KCNQ2: variants seen among roughly 807,000 people sequenced by gnomAD.
The protein encoded by KCNQ2 is potassium voltage-gated channel subfamily KQT member 2.
A neutral mutation model predicts 84.8 loss-of-function variants in KCNQ2; 14 were observed. That is an observed-to-expected ratio of 0.17 (90% CI 0.11 to 0.26). The LOEUF (loss-of-function observed/expected upper bound fraction) is 0.26, where lower values mean the gene tolerates loss of function less well. Ranked by LOEUF, KCNQ2 falls within the 10% of genes least tolerant of loss-of-function variation. KCNQ2 has a pLI of 1.00. For synonymous variants in KCNQ2, 599 were observed against 554.1 expected (o/e 1.08, Z -1.14); for missense variants, 788 against 1,254.0 (o/e 0.63, Z 5.61).
Position 63,421,480 on chromosome 20 carries a change from G to A in KCNQ2, c.1248-1808C>T, listed in dbSNP as rs534511604. On this transcript the variant is annotated intron_variant, in intron 11 of 16. Transcript: ENST00000359125. Reference sequence around the variant, plus strand: ...GCAGCTGCACCTCCCCCTGGGGTCCGCAGCTGGCACTGGGCTTCCTTCCTG... The same window carrying A: ...GCAGCTGCACCTCCCCCTGGGGTCCACAGCTGGCACTGGGCTTCCTTCCTG... Among the ~76,000 whole-genome samples the A allele has an allele frequency of 3.9e-5, 6 of 152,174 alleles. No homozygotes were observed. In the East Asian group the frequency reaches 5.8e-4, roughly 15 times the overall value.
At chr20:63,416,560 G>A (rs529699284) in intron 12 of KCNQ2, among the ~76,000 whole-genome samples, 1 of 152,296 alleles carries the variant, frequency 6.6e-6, no homozygotes, top group East Asian at 1.9e-4. Flanking sequence ...TTCTGGGCAG[G>A]GCCCAGAGCA....
intron 11 of KCNQ2, among the ~76,000 whole-genome samples, chr20:63,420,282 G>A (rs918689371): frequency 6.6e-6 from 1 of 152,238 alleles, no homozygotes; most frequent in African/African-American, 2.4e-5. Flanking sequence ...AAGCCCTTCA[G>A]GAGCGCAGCT....
At chr20:63,421,921 C>A (rs2080482946) in intron 11 of KCNQ2, among the ~76,000 whole-genome samples, 1 of 152,190 alleles carries the variant, frequency 6.6e-6, no homozygotes, top group African/African-American at 2.4e-5. Context: ...AGCACAGCCC[C>A]AGTGGTCCCT....
chr20:63,416,942 TGAGA>T (rs909860347), intron 12 of KCNQ2, among the ~76,000 whole-genome samples: 6 of 151,900 alleles, frequency 3.9e-5, no homozygotes, highest in Non-Finnish European at 8.8e-5. Flanking sequence ...CAGGCGTCTC[TGAGA>T]GAAAGAAAGA....
chr20:63,471,964 C>G lies in KCNQ2; in HGVS notation c.296+204G>C, dbSNP rs375324793. Among the ~76,000 whole-genome samples, 178 of 152,306 alleles carry G rather than the reference C, an allele frequency of 1.2e-3. 1 individual carries two copies. The East Asian group carries it at 0.028, about 24-fold the overall frequency. ...GCCCCCACCCCGACCTGAGCGGCCC[C>G]GACCCCGGAATCCTTCCTGCCCGCG... is the stretch of plus-strand genomic sequence containing the variant. On this transcript the variant is annotated intron_variant, in intron 1 of 16. Transcript: ENST00000359125.
At chr20:63,421,002 G>A (rs2080455671) in intron 11 of KCNQ2, among the ~76,000 whole-genome samples, 1 of 152,080 alleles carries the variant, frequency 6.6e-6, no homozygotes. Flanking sequence ...TGACACCCAG[G>A]CCTTCCTGGC....
chr20:63,442,153 T>C (rs1291423287), intron 5 of KCNQ2, among the ~76,000 whole-genome samples: 2 of 151,874 alleles, frequency 1.3e-5, no homozygotes, highest in Non-Finnish European at 2.9e-5. Flanking sequence ...CCACCACGGC[T>C]GAGCTCAGGA....
intron 7 of KCNQ2, chr20:63,437,305 A>T (rs1480629065): frequency 6.6e-6 from 1 of 152,212 alleles, no homozygotes; most frequent in Non-Finnish European, 1.5e-5. Context: ...TTTTTCTGGC[A>T]CTATTGTAAC....
At chr20:63,428,722 C>T (rs1354637576) in intron 9 of KCNQ2, among the ~76,000 whole-genome samples, 1 of 152,128 alleles carries the variant, frequency 6.6e-6, no homozygotes, top group Non-Finnish European at 1.5e-5. Context: ...CATGCAGCCC[C>T]GACCCTGCAG....
chr20:63,414,020 C>T lies in KCNQ2; in HGVS notation c.1631+68G>A. ...TGTCCAGCACCATGAGCACCGGCAG[C>T]AGGCAGGACCACCGAGCGGGAGGCC... On this transcript the variant is annotated intron_variant, in intron 14 of 16. Coordinates refer to ENST00000359125, the MANE Select transcript of KCNQ2 (RefSeq NM_172107.4). This position sits in a 1 kb window ranked among gnomAD's most constrained non-coding sequence, Gnocchi z 6.6. The T allele has an allele frequency of 2.6e-6, 3 of 1,175,610 alleles. 1 individual carries two copies. The highest frequency in any genetic ancestry group is 4.7e-5 in the East Asian group (2 of 42,672). 72.8% of individuals were successfully genotyped at this position (1,175,610 alleles called of 1,614,324 possible).
In KCNQ2 at chr20:63,446,771, G is replaced by A; in HGVS notation, c.363C>T (p.Ser121=). Reference sequence around the variant, plus strand: ...CCAGGATGTAGAGGGCCCCCTCCGAGCTCTTCTCATACTCCTTGATGGTGG... The same window carrying A: ...CCAGGATGTAGAGGGCCCCCTCCGAACTCTTCTCATACTCCTTGATGGTGG... The part of the protein sequence containing the change: ...VFSTIKEYEK[S]SEGALYILEI... Residue 121 remains serine, a synonymous_variant, in exon 2 of 17, where the codon AGC becomes AGT. Transcript: ENST00000359125. This position sits in a 1 kb window ranked among gnomAD's most constrained non-coding sequence, Gnocchi z 5.5. The A allele has an allele frequency of 6.2e-7, 1 of 1,613,532 alleles. No homozygotes were observed. Among genetic ancestry groups the A allele is most frequent in the East Asian group, 2.2e-5 (1 of 44,876 alleles).
chr20:63,442,940 A>G (rs2081253690), intron 4 of KCNQ2, among the ~76,000 whole-genome samples: 1 of 94,808 alleles, frequency 1.1e-5, no homozygotes, highest in African/African-American at 4.2e-5. Context: ...CATCACCACC[A>G]CCATCACCAT....
At chr20:63,439,555 G>A in intron 6 of KCNQ2, 43 bp downstream of exon 6, 2 of 1,459,032 alleles carry the variant, frequency 1.4e-6, no homozygotes, top group South Asian at 1.1e-5. Context: ...GAGCCTACAA[G>A]ACCTCGTCCC....
At chr20:63,442,990 C>T (rs796842948) in intron 4 of KCNQ2, among the ~76,000 whole-genome samples, 2 of 48,018 alleles carry the variant, frequency 4.2e-5, no homozygotes, top group African/African-American at 7.9e-5. Context: ...CCACCATTAC[C>T]ATCACCATCA....
Position 63,402,488 on chromosome 20 carries a change from G to A in KCNQ2, c.*4156C>T, listed in dbSNP as rs1362753667. 6.6e-6 allele frequency: 1 copy of A among 152,388 alleles called. No homozygotes were observed. The highest frequency in any genetic ancestry group is 1.5e-5 in the Non-Finnish European group (1 of 68,132). The allele number at this position is 152,388 out of a possible 1,614,324, so 9.4% of individuals were successfully genotyped here. Reference sequence around the variant, plus strand: ...AGCTGAGAGCCCAGCTCTTTCTAGAGAGAAGGGGGTGTCCTTTATGGGGGT... The same window carrying A: ...AGCTGAGAGCCCAGCTCTTTCTAGAAAGAAGGGGGTGTCCTTTATGGGGGT... On this transcript the variant is annotated 3_prime_UTR_variant, in exon 17 of 17. Coordinates refer to ENST00000359125, the MANE Select transcript of KCNQ2 (RefSeq NM_172107.4).
At chr20:63,449,106 G>A (rs181368166) in intron 1 of KCNQ2, 5 of 152,490 alleles carry the variant, frequency 3.3e-5, no homozygotes, top group African/African-American at 9.6e-5. Context: ...GCAGGAGGAC[G>A]GGTGGGCACA....
rs543843906 is a variant in KCNQ2 at position 63,445,074 on chromosome 20, C to G, written c.514+164G>C. Among the ~76,000 whole-genome samples the G allele has an allele frequency of 3.9e-5, 6 of 152,302 alleles. No homozygotes were observed. The South Asian group carries it at 1.2e-3, about 32-fold the overall frequency. Reference sequence around the variant, plus strand: ...TTCCTGACATTTAGGCAGAGTTAACCACAGCCTCTGACTCCAAGTCAGCAG... The same window carrying G: ...TTCCTGACATTTAGGCAGAGTTAACGACAGCCTCTGACTCCAAGTCAGCAG... On this transcript the variant is annotated intron_variant, in intron 3 of 16. Coordinates refer to ENST00000359125, the MANE Select transcript of KCNQ2 (RefSeq NM_172107.4).
At position 63,407,261 on chromosome 20, in the gene KCNQ2, G is replaced by T; in HGVS notation, c.2002C>A (p.Pro668Thr). ...YFGAKEPEPA[P>T]PYHSPEDSRE... is the part of the protein sequence containing the mutation. Reference sequence around the variant, plus strand: ...CTGTCTTCCGGGCTGTGGTACGGCGGCGCCGGCTCCGGCTCTTTGGCCCCA... The same window carrying T: ...CTGTCTTCCGGGCTGTGGTACGGCGTCGCCGGCTCCGGCTCTTTGGCCCCA... Residue 668 changes from proline (P) to threonine (T), a missense_variant, in exon 17 of 17, where the codon CCG becomes ACG. By Grantham distance (38) the Pro-to-Thr change is conservative. Coordinates refer to ENST00000359125, the MANE Select transcript of KCNQ2 (RefSeq NM_172107.4). The surrounding 1 kb of genome is among the most constrained non-coding windows in gnomAD (Gnocchi z 7.2). The T allele has an allele frequency of 6.3e-7, 1 of 1,598,412 alleles. No homozygotes were observed.
intron 12 of KCNQ2, among the ~76,000 whole-genome samples, chr20:63,417,890 G>A (rs1240011057): frequency 6.6e-6 from 1 of 152,212 alleles, no homozygotes; most frequent in Non-Finnish European, 1.5e-5. Context: ...CGCAGCCCAC[G>A]TGTACTGCCC....
Sources: gnomAD v4.1 joint callset for allele counts (sites outside exome capture counted in the v4.1 genomes callset) on GRCh38, gnomAD v4.1.1 for gene constraint, Gnocchi (gnomAD v3.1) non-coding constraint, MANE v1.5 for transcripts, NCBI Gene and HGNC (gene_info 2026-07-23, HGNC 2026-07-21) for gene names.